Variants in BMPER observed in about 807,000 individuals in gnomAD.
The protein encoded by BMPER is BMP-binding endothelial regulator protein.
BMPER carries 45 observed loss-of-function variants against 87.3 expected under a neutral mutation model. The observed-to-expected ratio is 0.52, with a 90% CI of 0.41 to 0.66. BMPER has a LOEUF of 0.66. Ranked by LOEUF, BMPER falls within the 30% of genes least tolerant of loss-of-function variation. The pLI is 0.00. For synonymous variants in BMPER, 326 were observed against 316.2 expected (o/e 1.03, Z -0.33); for missense variants, 784 against 867.5 (o/e 0.90, Z 1.21).
chr7:34,135,335 G>T (rs1303298147), intron 13 of BMPER, among the ~76,000 whole-genome samples: 1 of 152,166 alleles, frequency 6.6e-6, no homozygotes, highest in African/African-American at 2.4e-5. Flanking sequence ...ACAAGGCTGA[G>T]CAGGGGAGCG....
At chr7:34,140,594 G>C (rs190522012) in intron 13 of BMPER, among the ~76,000 whole-genome samples, 2 of 152,272 alleles carry the variant, frequency 1.3e-5, no homozygotes, top group Admixed American at 1.3e-4. Flanking sequence ...GGGTGAGGTG[G>C]AGTGTATGTA....
At chr7:34,074,347 C>T (rs1478526035) in intron 11 of BMPER, among the ~76,000 whole-genome samples, 1 of 152,186 alleles carries the variant, frequency 6.6e-6, no homozygotes, top group Non-Finnish European at 1.5e-5. Flanking sequence ...CCCTTTTGGG[C>T]CAATAGCTGT....
At chr7:33,911,945 T>C (rs1305288141) in intron 2 of BMPER, among the ~76,000 whole-genome samples, 2 of 152,188 alleles carry the variant, frequency 1.3e-5, no homozygotes, top group Non-Finnish European at 2.9e-5. Context: ...GGAATAATGA[T>C]GGCAAACCCA....
chr7:33,909,062 A>C (rs1783889044), intron 2 of BMPER, among the ~76,000 whole-genome samples: 1 of 152,208 alleles, frequency 6.6e-6, no homozygotes, highest in South Asian at 2.1e-4. Flanking sequence ...ATTGATAATA[A>C]TAGCAATGGT....
intron 11 of BMPER, among the ~76,000 whole-genome samples, chr7:34,064,288 C>CG (rs34248604): frequency 2.7e-5 from 4 of 146,396 alleles, no homozygotes; most frequent in South Asian, 2.2e-4. Flanking sequence ...AAGACTCTGT[C>CG]AAAAAAAAAA....
chr7:33,989,396 T>G (rs1383353434), intron 6 of BMPER, among the ~76,000 whole-genome samples: 2 of 152,128 alleles, frequency 1.3e-5, no homozygotes, highest in East Asian at 3.8e-4. Flanking sequence ...ATGTGTTTTT[T>G]GGCTGCATAA....
At chr7:34,053,457 G>A (rs1295434927) in intron 8 of BMPER, among the ~76,000 whole-genome samples, 2 of 152,042 alleles carry the variant, frequency 1.3e-5, no homozygotes, top group Non-Finnish European at 2.9e-5. Context: ...TCCCTGTACC[G>A]TTGAAAATCC....
In BMPER at chr7:34,051,925, T is replaced by C; in HGVS notation, c.741T>C (p.Asn247=). The C allele has an allele frequency of 1.2e-6, 2 of 1,614,028 alleles. No homozygotes were observed. The highest frequency in any genetic ancestry group is 1.7e-6 in the Non-Finnish European group (2 of 1,179,900). The change falls in exon 8 of 15, where the codon AAT becomes AAC. Residue 247 remains asparagine, a synonymous_variant. Transcript: ENST00000649409. The part of the protein sequence containing the change: ...SCLFRSDVYD[N]GSSFLYDNCT... ...TCTTTCGAAGTGATGTTTATGACAA[T>C]GGATCCTCATTTCTGTACGATAACT...
chr7:33,941,867 A>C (rs1020537636), intron 3 of BMPER, among the ~76,000 whole-genome samples: 1 of 152,132 alleles, frequency 6.6e-6, no homozygotes, highest in African/African-American at 2.4e-5. Flanking sequence ...ACACATTGTA[A>C]CAGGAGCACT....
intron 6 of BMPER, among the ~76,000 whole-genome samples, chr7:34,008,189 T>G (rs1786785976): frequency 6.6e-6 from 1 of 152,044 alleles, no homozygotes; most frequent in Admixed American, 6.6e-5. Context: ...AAGTTATATG[T>G]ATTTCCACTT....
chr7:33,973,619 G>A lies in BMPER; in HGVS notation c.494-1083G>A, dbSNP rs372096313. 6.6e-5 allele frequency among the ~76,000 whole-genome samples: 10 copies of A among 152,354 alleles called. No homozygotes were observed. In the East Asian group the frequency reaches 1.4e-3, roughly 21 times the overall value. On this transcript the variant is annotated intron_variant, in intron 5 of 14. Transcript: ENST00000649409. ...AAGAACCAGCTGCTCCAAGAGCTTG[G>A]TGGGTTCTGCAGATGGCTTTAGCTG...
At chr7:33,973,104 C>T (rs1469142352) in intron 5 of BMPER, among the ~76,000 whole-genome samples, 1 of 152,200 alleles carries the variant, frequency 6.6e-6, no homozygotes, top group East Asian at 1.9e-4. Context: ...TTTCATTGGG[C>T]TCTTTGCTCA....
At chr7:34,129,156 G>T (rs183893392) in intron 13 of BMPER, among the ~76,000 whole-genome samples, 144 of 152,136 alleles carry the variant, frequency 9.5e-4, no homozygotes, top group African/African-American at 3.4e-3. Flanking sequence ...CCCTGCTTTG[G>T]GGAAAAATGT....
At chr7:33,995,689 G>A (rs1786389894) in intron 6 of BMPER, among the ~76,000 whole-genome samples, 2 of 152,182 alleles carry the variant, frequency 1.3e-5, no homozygotes, top group Admixed American at 6.5e-5. Context: ...CATGAGGCCT[G>A]TGCAGATGTT....
Position 33,905,650 on chromosome 7 carries a change from C to G in BMPER, c.37C>G (p.Arg13Gly), listed in dbSNP as rs768012620. The change falls in exon 1 of 15, where the codon CGT becomes GGT. Residue 13 changes from arginine to glycine, a missense_variant. By Grantham distance (125) the Arg-to-Gly change is moderately radical. Transcript: ENST00000649409. ...WFSGVGALAE[R>G]YCRRSPGITC... ...CTCCGGCGTCGGGGCTCTGGCTGAGCGTTACTGCCGCCGCTCGCCTGGGAT... is the reference window on the plus strand; with the variant it reads ...CTCCGGCGTCGGGGCTCTGGCTGAGGGTTACTGCCGCCGCTCGCCTGGGAT... The G allele has an allele frequency of 4.3e-6, 7 of 1,613,152 alleles. No individual in the cohort carries two copies. Among genetic ancestry groups the G allele is most frequent in the South Asian group, 1.1e-5 (1 of 91,062 alleles).
At chr7:34,005,357 T>C (rs1334269628) in intron 6 of BMPER, among the ~76,000 whole-genome samples, 1 of 152,112 alleles carries the variant, frequency 6.6e-6, no homozygotes, top group Non-Finnish European at 1.5e-5. Flanking sequence ...CTATTCTTAT[T>C]GAGATTCTCT....
At chr7:33,941,624 C>T (rs1157602704) in intron 3 of BMPER, among the ~76,000 whole-genome samples, 2 of 152,108 alleles carry the variant, frequency 1.3e-5, no homozygotes, top group Admixed American at 6.5e-5. Flanking sequence ...TTAGATGACA[C>T]GCATGTGCAG....
intron 5 of BMPER, among the ~76,000 whole-genome samples, chr7:33,972,355 T>A (rs1785571427): frequency 6.6e-6 from 1 of 152,196 alleles, no homozygotes. Context: ...GATAGTCATA[T>A]TTTCAGGCTG....
intron 11 of BMPER, among the ~76,000 whole-genome samples, chr7:34,077,446 C>T (rs1788894683): frequency 6.6e-6 from 1 of 152,278 alleles, no homozygotes; most frequent in Non-Finnish European, 1.5e-5. Context: ...ATGTGTCTCT[C>T]CCACCTACTT....
Sources: allele counts gnomAD v4.1 joint callset (sites outside exome capture counted in the v4.1 genomes callset), GRCh38; gene constraint gnomAD v4.1.1; transcripts MANE v1.5; gene names NCBI Gene and HGNC (gene_info 2026-07-23, HGNC 2026-07-21).